ADARB2: variants seen among roughly 807,000 people sequenced by gnomAD.
ADARB2 encodes the protein inactive double-stranded RNA-specific editase B2.
Under a neutral mutation model 62.2 loss-of-function variants are expected in ADARB2, and 25 were observed. That is an observed-to-expected ratio of 0.40 (90% CI 0.29 to 0.56). ADARB2 has a LOEUF of 0.56. Ranked by LOEUF, ADARB2 falls within the 20% of genes least tolerant of loss-of-function variation. The probability of loss-of-function intolerance (pLI) is 0.43; values close to 1 mark genes in which losing one functional copy is unlikely to be tolerated. For synonymous variants in ADARB2, 572 were observed against 500.8 expected (o/e 1.14, Z -1.90); for missense variants, 1,071 against 1,077.4 (o/e 0.99, Z 0.08).
At chr10:1,447,661 C>T (rs57363737) in intron 1 of ADARB2, among the ~76,000 whole-genome samples, 8,395 of 152,042 alleles carry the variant, frequency 0.055, 683 homozygotes, top group African/African-American at 0.18. Context: ...GTTTGCTGTA[C>T]GGATTGTAAT....
intron 1 of ADARB2, among the ~76,000 whole-genome samples, chr10:1,626,326 G>A (rs4406752): frequency 0.23 from 16,310 of 71,136 alleles, 1,799 homozygotes; most frequent in Non-Finnish European, 0.3. Context: ...GTCTGCCCAT[G>A]CTCTCTCCTG....
chr10:1,544,956 T>TATACACACACACACACACACAC (rs10526252), intron 1 of ADARB2, among the ~76,000 whole-genome samples: 38,305 of 133,682 alleles, frequency 0.29, 6,360 homozygotes, highest in Admixed American at 0.33. Context: ...TAGCAAAGTA[T>TATACACACACACACACACACAC]ACACACACAC....
At chr10:1,631,776 T>A (rs887630219) in intron 1 of ADARB2, among the ~76,000 whole-genome samples, 1 of 152,192 alleles carries the variant, frequency 6.6e-6, no homozygotes, top group African/African-American at 2.4e-5. Flanking sequence ...GGAAGGAAAA[T>A]ATGTATTTTT....
rs768439031 is a variant in ADARB2, at chr10:1,271,036, G to C, written c.1111C>G (p.Gln371Glu). The C allele has an allele frequency of 6.2e-7, 1 of 1,613,984 alleles. No individual in the cohort carries two copies. The highest frequency in any genetic ancestry group is 1.7e-5 in the Admixed American group (1 of 60,004). ...FADSISQLVTQKFREVTTDLT... is the reference protein window; with the variant it reads ...FADSISQLVTEKFREVTTDLT... ...TCCGTCGTCACCTCGCGGAACTTCTGTGTGACCAGCTGGGATATGGAGTCT... is the reference window on the plus strand; with the variant it reads ...TCCGTCGTCACCTCGCGGAACTTCTCTGTGACCAGCTGGGATATGGAGTCT... The change falls in exon 4 of 10, where the codon CAG (glutamine) becomes GAG (glutamate). Residue 371 changes from glutamine to glutamate, a missense_variant. Coordinates refer to ENST00000381312, the MANE Select transcript of ADARB2 (RefSeq NM_018702.4).
intron 1 of ADARB2, among the ~76,000 whole-genome samples, chr10:1,707,685 G>T (rs905164942): frequency 6.6e-6 from 1 of 152,244 alleles, no homozygotes; most frequent in Non-Finnish European, 1.5e-5. Flanking sequence ...TGCCTTCCTG[G>T]GCTTGGTTCG....
intron 1 of ADARB2, among the ~76,000 whole-genome samples, chr10:1,601,702 ACGACAGC>A: frequency 6.6e-6 from 1 of 152,240 alleles, no homozygotes; most frequent in East Asian, 1.9e-4. Context: ...TGTGCTCCTG[ACGACAGC>A]CACCTGCTCC....
chr10:1,257,227 T>C (rs1831088048), intron 4 of ADARB2, among the ~76,000 whole-genome samples: 1 of 152,196 alleles, frequency 6.6e-6, no homozygotes. Context: ...CACCCATTCT[T>C]GGGTAATGAC....
At chr10:1,705,556 G>A (rs1834878363) in intron 1 of ADARB2, among the ~76,000 whole-genome samples, 1 of 152,220 alleles carries the variant, frequency 6.6e-6, no homozygotes, top group Admixed American at 6.5e-5. Context: ...GAATGCAATG[G>A]AGATTGTTTA....
chr10:1,289,103 T>G (rs1831440461), intron 3 of ADARB2, among the ~76,000 whole-genome samples: 1 of 152,206 alleles, frequency 6.6e-6, no homozygotes, highest in African/African-American at 2.4e-5. Flanking sequence ...CAAAGCCTGC[T>G]ACCCAGAGAT....
intron 1 of ADARB2, among the ~76,000 whole-genome samples, chr10:1,713,361 GA>G (rs1288735750): frequency 6.6e-6 from 1 of 152,198 alleles, no homozygotes; most frequent in Non-Finnish European, 1.5e-5. Flanking sequence ...GAGAGTTAGA[GA>G]AGAACATTAG....
intron 1 of ADARB2, among the ~76,000 whole-genome samples, chr10:1,658,009 G>C (rs1834193912): frequency 6.6e-6 from 1 of 150,490 alleles, no homozygotes; most frequent in Non-Finnish European, 1.5e-5. Flanking sequence ...GTGTCTCTCT[G>C]TCTCTTATCT....
At chr10:1,538,230 C>T (rs934796721) in intron 1 of ADARB2, among the ~76,000 whole-genome samples, 3 of 152,152 alleles carry the variant, frequency 2.0e-5, no homozygotes, top group African/African-American at 7.2e-5. Context: ...CCAGTGCCTG[C>T]GTTTGTGGCT....
chr10:1,383,491 C>T (rs776206251), intron 1 of ADARB2, among the ~76,000 whole-genome samples: 1 of 151,734 alleles, frequency 6.6e-6, no homozygotes, highest in Non-Finnish European at 1.5e-5. Flanking sequence ...GATATGCCAG[C>T]AGTTTTTCAT....
intron 3 of ADARB2, chr10:1,292,983 AGAGAGAGGGAGAGGGAGGGAAG>A (rs764621184): frequency 0.17 from 15,521 of 89,620 alleles, 1,852 homozygotes; most frequent in East Asian, 0.24. Flanking sequence ...AGGGAAGGAG[AGAGAGAGGGAGAGGGAGGGAAG>A]GAGAGAGGGA....
At chr10:1,476,487 C>T (rs7906088) in intron 1 of ADARB2, among the ~76,000 whole-genome samples, 37,193 of 152,090 alleles carry the variant, frequency 0.24, 4,680 homozygotes, top group East Asian at 0.46. Flanking sequence ...CTCCTGAAGA[C>T]GCCTGGGCTG....
At chr10:1,637,877 T>G (rs1422824663) in intron 1 of ADARB2, among the ~76,000 whole-genome samples, 1 of 152,120 alleles carries the variant, frequency 6.6e-6, no homozygotes, top group Non-Finnish European at 1.5e-5. Flanking sequence ...GTATCAGGGG[T>G]GCTGAATGGA....
chr10:1,304,905 A>G (rs1287982516), intron 3 of ADARB2, among the ~76,000 whole-genome samples: 1 of 139,840 alleles, frequency 7.2e-6, no homozygotes, highest in Non-Finnish European at 1.6e-5. Flanking sequence ...ATAGCACTAA[A>G]TGCCCACAAG....
chr10:1,323,244 A>G (rs888116584), intron 3 of ADARB2, among the ~76,000 whole-genome samples: 3 of 116,236 alleles, frequency 2.6e-5, no homozygotes, highest in African/African-American at 1.2e-4. Flanking sequence ...GGATACTTTG[A>G]AATTGTAAAA....
intron 1 of ADARB2, among the ~76,000 whole-genome samples, chr10:1,695,574 T>C (rs1200727167): frequency 6.6e-6 from 1 of 152,098 alleles, no homozygotes; most frequent in Non-Finnish European, 1.5e-5. Flanking sequence ...CAAAGATCCA[T>C]GTGTAGGTCT....
Sources: gnomAD v4.1 joint callset for allele counts (sites outside exome capture counted in the v4.1 genomes callset) on GRCh38, gnomAD v4.1.1 for gene constraint, MANE v1.5 for transcripts, NCBI Gene and HGNC (gene_info 2026-07-23, HGNC 2026-07-21) for gene names.